HIVEP3: variants seen among roughly 807,000 people sequenced by gnomAD.
HIVEP3 encodes transcription factor HIVEP3.
HIVEP3 carries 49 observed loss-of-function variants against 152.8 expected under a neutral mutation model. The ratio of observed to expected loss-of-function variants is 0.32; its 90% CI spans 0.26 to 0.41. The LOEUF (loss-of-function observed/expected upper bound fraction) is 0.41. Ranked by LOEUF, HIVEP3 falls within the 10% of genes least tolerant of loss-of-function variation. The pLI is 1.00. For missense variants in HIVEP3, 2,790 were observed against 3,103.3 expected (o/e 0.90, Z 2.40); for synonymous variants, 1,269 against 1,289.0 (o/e 0.98, Z 0.33).
At chr1:41,694,477 G>T (rs992177648) in intron 2 of HIVEP3, among the ~76,000 whole-genome samples, 2 of 152,184 alleles carry the variant, frequency 1.3e-5, no homozygotes, top group Non-Finnish European at 2.9e-5. Context: ...ACAAGTGAAT[G>T]AAAGACATCC....
At chr1:41,745,314 C>T (rs1647055639) in intron 1 of HIVEP3, among the ~76,000 whole-genome samples, 1 of 152,194 alleles carries the variant, frequency 6.6e-6, no homozygotes, top group Admixed American at 6.5e-5. Flanking sequence ...TGAAAGATGT[C>T]CCTCAGGGAA....
chr1:41,683,807 G>A (rs1646075820), intron 2 of HIVEP3, among the ~76,000 whole-genome samples: 1 of 152,156 alleles, frequency 6.6e-6, no homozygotes, highest in South Asian at 2.1e-4. Flanking sequence ...AGGACCTGGA[G>A]GCAGCCCTCT....
intron 1 of HIVEP3, among the ~76,000 whole-genome samples, chr1:42,001,818 C>T (rs555722942): frequency 6.6e-6 from 1 of 152,228 alleles, no homozygotes; most frequent in Middle Eastern, 3.4e-3. Flanking sequence ...CCTAAGTCTC[C>T]GGGGTATCTC....
intron 3 of HIVEP3, among the ~76,000 whole-genome samples, chr1:41,600,501 A>G (rs1644730558): frequency 6.6e-6 from 1 of 152,216 alleles, no homozygotes; most frequent in Non-Finnish European, 1.5e-5. Flanking sequence ...AAGTACTTAG[A>G]GTAATCAAAT....
chr1:41,588,413 G>A (rs10890135), intron 3 of HIVEP3, among the ~76,000 whole-genome samples: 69,272 of 151,894 alleles, frequency 0.46, 16,338 homozygotes, highest in South Asian at 0.52. Flanking sequence ...GGCCAGGCAG[G>A]ACTCTACATT....
intron 1 of HIVEP3, among the ~76,000 whole-genome samples, chr1:41,800,901 G>A (rs768954994): frequency 6.6e-6 from 1 of 152,172 alleles, no homozygotes; most frequent in Non-Finnish European, 1.5e-5. Context: ...GACAAAGGAA[G>A]GAATTCGTTA....
At chr1:41,556,284 A>C (rs1643965190) in intron 5 of HIVEP3, among the ~76,000 whole-genome samples, 1 of 152,212 alleles carries the variant, frequency 6.6e-6, no homozygotes. Flanking sequence ...CATCCTTCTC[A>C]ACACTTATTT....
At chr1:41,601,649 A>C (rs1471612712) in intron 3 of HIVEP3, among the ~76,000 whole-genome samples, 1 of 152,104 alleles carries the variant, frequency 6.6e-6, no homozygotes, top group Non-Finnish European at 1.5e-5. Flanking sequence ...TTTTAATGGC[A>C]TCTTTAGGAT....
chr1:41,742,926 C>T (rs184586958), intron 1 of HIVEP3, among the ~76,000 whole-genome samples: 93 of 152,246 alleles, frequency 6.1e-4, no homozygotes, highest in African/African-American at 2.1e-3. Context: ...TGGTGTGGAA[C>T]GAGTTGCTAA....
intron 1 of HIVEP3, among the ~76,000 whole-genome samples, chr1:41,944,784 G>T (rs555506012): frequency 6.6e-6 from 1 of 152,286 alleles, no homozygotes; most frequent in African/African-American, 2.4e-5. Flanking sequence ...GGACGCTCTA[G>T]GACTAATGCT....
At chr1:41,620,291 C>T (rs1484783462) in intron 3 of HIVEP3, among the ~76,000 whole-genome samples, 3 of 152,176 alleles carry the variant, frequency 2.0e-5, no homozygotes, top group East Asian at 1.9e-4. Context: ...AATTTTTTCT[C>T]GTGATTTCAG....
At chr1:41,963,171 C>T (rs1645178388) in intron 1 of HIVEP3, among the ~76,000 whole-genome samples, 1 of 152,104 alleles carries the variant, frequency 6.6e-6, no homozygotes, top group Non-Finnish European at 1.5e-5. Context: ...GCCACCACGC[C>T]CAGCTATTTT....
At chr1:41,530,402 A>G (rs1294250585) in intron 5 of HIVEP3, among the ~76,000 whole-genome samples, 1 of 152,186 alleles carries the variant, frequency 6.6e-6, no homozygotes, top group Non-Finnish European at 1.5e-5. Context: ...CCAAGACCAA[A>G]ACCAGTTGCT....
At chr1:41,999,775 C>T (rs1368114787) in intron 1 of HIVEP3, among the ~76,000 whole-genome samples, 1 of 152,030 alleles carries the variant, frequency 6.6e-6, no homozygotes, top group Non-Finnish European at 1.5e-5. Context: ...AAGGAAGGCA[C>T]AGAGTGGTGA....
chr1:41,889,763 C>T (rs553959043), intron 1 of HIVEP3, among the ~76,000 whole-genome samples: 5 of 152,262 alleles, frequency 3.3e-5, no homozygotes, highest in East Asian at 3.9e-4. Context: ...GTAGGAATAA[C>T]GGACTCTGAT....
At chr1:41,735,150 C>A (rs1570425095) in intron 1 of HIVEP3, among the ~76,000 whole-genome samples, 1 of 152,310 alleles carries the variant, frequency 6.6e-6, no homozygotes. Flanking sequence ...AGATAAGAAA[C>A]CTGAGGCTCA....
chr1:41,851,581 G>A (rs1030776497), intron 1 of HIVEP3, among the ~76,000 whole-genome samples: 11 of 152,108 alleles, frequency 7.2e-5, no homozygotes, highest in African/African-American at 2.4e-4. Context: ...GATTACAGGC[G>A]TGAACCATCA....
chr1:41,510,501 G>A lies in HIVEP3; in HGVS notation c.7171C>T (p.Pro2391Ser), dbSNP rs1005024986. Residue 2391 changes from proline (P) to serine (S), a missense_variant, in exon 9 of 9, where the codon CCC (proline) becomes TCC (serine). Coordinates refer to ENST00000372583, the MANE Select transcript of HIVEP3 (RefSeq NM_024503.5). ...TCAGGCTGATGTGGATGTGCCCTGG[G>A]CTCCCCACTTCCTGAGGGCTTGGGG... ...DSPKPSGSGE[P>S]RAHPHQPEDR... 1 of 1,595,456 alleles carries A rather than the reference G, an allele frequency of 6.3e-7. No homozygotes were observed. Among genetic ancestry groups the A allele is most frequent in the South Asian group, 1.1e-5 (1 of 87,876 alleles).
intron 1 of HIVEP3, among the ~76,000 whole-genome samples, chr1:41,889,085 C>T (rs779377672): frequency 2.1e-4 from 31 of 146,698 alleles, no homozygotes; most frequent in Non-Finnish European, 3.6e-4. Context: ...ACCACACATA[C>T]GCCACATACC....
Sources: gnomAD v4.1 joint callset for allele counts (sites outside exome capture counted in the v4.1 genomes callset) on GRCh38, gnomAD v4.1.1 for gene constraint, MANE v1.5 for transcripts, NCBI Gene and HGNC (gene_info 2026-07-23, HGNC 2026-07-21) for gene names.